The following PTPN3 variants were observed in gnomAD, a reference collection of about 807,000 sequenced individuals.
The protein encoded by PTPN3 is protein tyrosine phosphatase non-receptor type 3, also known as tyrosine-protein phosphatase non-receptor type 3.
Under a neutral mutation model 132.7 loss-of-function variants are expected in PTPN3, and 96 were observed. That is an observed-to-expected ratio of 0.72 (90% CI 0.61 to 0.86). The LOEUF is 0.86. Among genes scored for constraint, PTPN3 ranks in the 40% least tolerant of loss-of-function variants. The pLI, the probability that PTPN3 is intolerant of heterozygous loss-of-function variation, is 0.00. For synonymous variants in PTPN3, 398 were observed against 429.0 expected, an observed-to-expected ratio of 0.93 and a Z score of 0.89; for missense variants, 1,125 against 1,159.6, an observed-to-expected ratio of 0.97 and a Z score of 0.43.
chr9:109,381,997 C>T (rs1839139674), intron 24 of PTPN3, among the ~76,000 whole-genome samples: 1 of 152,220 alleles, frequency 6.6e-6, no homozygotes, highest in South Asian at 2.1e-4. Context: ...GGAAAGAGGG[C>T]CACTGTGAAG....
chr9:109,496,314 T>C (rs530984084), intron 1 of PTPN3, among the ~76,000 whole-genome samples: 24 of 152,358 alleles, frequency 1.6e-4, no homozygotes, highest in African/African-American at 5.5e-4. Context: ...AACTAGTCAA[T>C]CTCAGAAAAG....
intron 12 of PTPN3, among the ~76,000 whole-genome samples, chr9:109,425,897 C>T (rs191037182): frequency 2.6e-5 from 4 of 151,518 alleles, no homozygotes; most frequent in Non-Finnish European, 5.9e-5. Context: ...TCCTGTAATC[C>T]TAGCTACTCG....
chr9:109,427,957 A>C (rs1360189146), intron 11 of PTPN3, among the ~76,000 whole-genome samples: 3 of 152,214 alleles, frequency 2.0e-5, no homozygotes, highest in African/African-American at 7.2e-5. Context: ...TGGGAGCCTC[A>C]GTTTCCTCTC....
At chr9:109,495,975 G>A (rs568252769) in intron 1 of PTPN3, among the ~76,000 whole-genome samples, 1 of 152,188 alleles carries the variant, frequency 6.6e-6, no homozygotes, top group Non-Finnish European at 1.5e-5. Flanking sequence ...TCTCTGGGGT[G>A]CACCCCACAT....
rs371324646 is a variant in PTPN3 at position 109,382,229 on chromosome 9, G to A, written c.2528+73C>T. 1.9e-5 allele frequency: 29 copies of A among 1,522,872 alleles called. No individual in the cohort carries two copies. Among genetic ancestry groups the A allele is most frequent in the African/African-American group, 1.8e-4 (13 of 73,306 alleles). 94.3% of individuals were successfully genotyped at this position (1,522,872 alleles called of 1,614,324 possible). ...TTGTGGGATGTAGGGTGGGTCTGGC[G>A]CCTGCCAATTGTCTCCAGGCCTTTT... is the stretch of plus-strand genomic sequence containing the variant. On this transcript the variant is annotated intron_variant, in intron 24 of 25. Coordinates refer to ENST00000374541, the MANE Select transcript of PTPN3 (RefSeq NM_002829.4).
intron 16 of PTPN3, 27 bp from the exon 17 acceptor site, chr9:109,408,404 A>G (rs1350761938): frequency 6.5e-7 from 1 of 1,548,734 alleles, no homozygotes; most frequent in South Asian, 1.2e-5. Flanking sequence ...ATAAAAACAA[A>G]ACAAAGTTTT....
At chr9:109,429,197 C>G (rs944334316) in intron 10 of PTPN3, among the ~76,000 whole-genome samples, 1 of 152,214 alleles carries the variant, frequency 6.6e-6, no homozygotes, top group Non-Finnish European at 1.5e-5. Context: ...ATCCCCTCAA[C>G]GAAGCCCTGC....
chr9:109,495,706 T>G (rs1221602191), intron 1 of PTPN3, among the ~76,000 whole-genome samples: 1 of 152,252 alleles, frequency 6.6e-6, no homozygotes, highest in Non-Finnish European at 1.5e-5. Flanking sequence ...GGATAAGATT[T>G]GTCTCTGACC....
At chr9:109,409,806 T>C (rs1378395606) in intron 16 of PTPN3, among the ~76,000 whole-genome samples, 193 bp downstream of exon 16, 1 of 151,782 alleles carries the variant, frequency 6.6e-6, no homozygotes, top group Non-Finnish European at 1.5e-5. Flanking sequence ...AAGTGAGTTT[T>C]TAAAAAAAAA....
intron 14 of PTPN3, among the ~76,000 whole-genome samples, chr9:109,414,830 T>C (rs528700439): frequency 5.9e-5 from 9 of 152,330 alleles, no homozygotes; most frequent in African/African-American, 2.2e-4. Flanking sequence ...ACCTACCACA[T>C]AGTCCTGCTC....
intron 22 of PTPN3, among the ~76,000 whole-genome samples, chr9:109,388,402 ATC>A (rs1195946518): frequency 2.0e-5 from 3 of 152,204 alleles, no homozygotes; most frequent in Admixed American, 6.5e-5. Flanking sequence ...GGAGATGGGA[ATC>A]TCTAATGCAG....
chr9:109,422,502 A>G (rs1479918124), intron 13 of PTPN3, among the ~76,000 whole-genome samples: 3 of 152,198 alleles, frequency 2.0e-5, no homozygotes, highest in African/African-American at 4.8e-5. Context: ...TTTAGATTGA[A>G]TAAGTTTTTT....
intron 4 of PTPN3, among the ~76,000 whole-genome samples, chr9:109,455,294 G>C (rs1845506094): frequency 6.6e-6 from 1 of 152,164 alleles, no homozygotes; most frequent in African/African-American, 2.4e-5. Context: ...TCTTCTCACA[G>C]AGACGGCAAC....
At chr9:109,510,570 A>C in the PTPN3 span, among the ~76,000 whole-genome samples, 1 of 78,500 alleles carries the variant, frequency 1.3e-5, no homozygotes, top group East Asian at 5.8e-4. Context: ...AAAAAAAAAA[A>C]AAAAAAATAT....
At chr9:109,413,113 A>C (rs1564410568) in intron 14 of PTPN3, among the ~76,000 whole-genome samples, 2 of 142,462 alleles carry the variant, frequency 1.4e-5, no homozygotes, top group African/African-American at 2.6e-5. Flanking sequence ...TGCCTGGCTA[A>C]TTTTTTTTTT....
the PTPN3 span, among the ~76,000 whole-genome samples, chr9:109,515,602 G>T: frequency 1.3e-5 from 2 of 152,048 alleles, no homozygotes; most frequent in Non-Finnish European, 2.9e-5. Context: ...AGGTTTTTTG[G>T]CTCATGGTTC....
chr9:109,381,798 G>A lies in PTPN3; in HGVS notation c.2529-11C>T. On this transcript the variant is annotated splice_polypyrimidine_tract_variant and intron_variant, in intron 24 of 25. Transcript: ENST00000374541. ...CGACCTATTCCAGCACTGGAGAGGGGAGAGAAGACAGACTTGGGATTTGTC... is the reference window on the plus strand; with the variant it reads ...CGACCTATTCCAGCACTGGAGAGGGAAGAGAAGACAGACTTGGGATTTGTC... The A allele has an allele frequency of 1.2e-6, 2 of 1,614,226 alleles. No homozygotes were observed. Among genetic ancestry groups the A allele is most frequent in the Non-Finnish European group, 1.7e-6 (2 of 1,180,036 alleles).
the PTPN3 span, among the ~76,000 whole-genome samples, chr9:109,510,577 ATATAT>A: frequency 3.6e-5 from 1 of 27,988 alleles, no homozygotes; most frequent in African/African-American, 1.1e-4. Context: ...AAAAAAAAAA[ATATAT>A]ATATATATAT....
the PTPN3 span, among the ~76,000 whole-genome samples, chr9:109,521,902 A>G: frequency 6.6e-6 from 1 of 152,182 alleles, no homozygotes; most frequent in Non-Finnish European, 1.5e-5. Context: ...GGACTCAGGG[A>G]GCATCTAGTC....
Sources: gnomAD v4.1 joint callset for allele counts (sites outside exome capture counted in the v4.1 genomes callset) on GRCh38, gnomAD v4.1.1 for gene constraint, MANE v1.5 for transcripts, NCBI Gene and HGNC (gene_info 2026-07-23, HGNC 2026-07-21) for gene names.